Variants in PDLIM5 observed in about 807,000 individuals in gnomAD.
PDLIM5 encodes PDZ and LIM domain 5, also known as PDZ and LIM domain protein 5.
PDLIM5 carries 34 observed loss-of-function variants against 64.2 expected under a neutral mutation model. That is an observed-to-expected ratio of 0.53 (90% confidence interval 0.40 to 0.71). The LOEUF is 0.71. PDLIM5 is among the 30% of genes least tolerant of loss of function. The pLI, the probability that PDLIM5 is intolerant of heterozygous loss-of-function variation, is 0.00. For synonymous variants in PDLIM5, 253 were observed against 269.1 expected, an observed-to-expected ratio of 0.94 and a Z score of 0.59; for missense variants, 683 against 733.6, an observed-to-expected ratio of 0.93 and a Z score of 0.80.
chr4:94,607,263 G>GA (rs1285707098), intron 7 of PDLIM5, among the ~76,000 whole-genome samples: 1 of 150,312 alleles, frequency 6.7e-6, no homozygotes, highest in Admixed American at 6.6e-5. Context: ...TTTATCCACA[G>GA]ACTTTTTTTT....
At chr4:94,595,384 A>G (rs1736990943) in intron 7 of PDLIM5, among the ~76,000 whole-genome samples, 1 of 152,360 alleles carries the variant, frequency 6.6e-6, no homozygotes. Context: ...TACCAATTAC[A>G]ATACACAAAC....
At chr4:94,601,109 A>C (rs917647812) in intron 7 of PDLIM5, among the ~76,000 whole-genome samples, 1 of 152,198 alleles carries the variant, frequency 6.6e-6, no homozygotes. Flanking sequence ...TCAAGCTGCT[A>C]GAACAAAAAT....
At chr4:94,485,764 C>T (rs1329815883) in intron 2 of PDLIM5, among the ~76,000 whole-genome samples, 23 of 149,668 alleles carry the variant, frequency 1.5e-4, no homozygotes, top group African/African-American at 4.4e-4. Context: ...TCAGAAGAAT[C>T]GCTTGAACCT....
chr4:94,611,201 G>A, intron 7 of PDLIM5: 2 of 1,534,162 alleles, frequency 1.3e-6, no homozygotes, highest in Non-Finnish European at 1.7e-6. Flanking sequence ...AGAAAACAAG[G>A]TACTGTGGGA....
chr4:94,533,755 G>C (rs1442675578), intron 3 of PDLIM5, among the ~76,000 whole-genome samples: 1 of 152,188 alleles, frequency 6.6e-6, no homozygotes, highest in African/African-American at 2.4e-5. Flanking sequence ...GTGAGTATTA[G>C]TACGGTATCC....
chr4:94,666,624 A>C lies in PDLIM5; in HGVS notation c.*2557A>C, dbSNP rs939162465. 6.6e-6 allele frequency: 1 copy of C among 152,612 alleles called. No homozygotes were observed. The highest frequency in any genetic ancestry group is 1.5e-5 in the Non-Finnish European group (1 of 68,036). 9.5% of individuals were successfully genotyped at this position (152,612 alleles called of 1,614,324 possible). A position where few individuals can be genotyped will look rare whatever the true frequency, so the allele number is the denominator to read the frequency against. On this transcript the variant is annotated 3_prime_UTR_variant, in exon 13 of 13. Transcript: ENST00000317968. Reference sequence around the variant, plus strand: ...TTCATAGGTTATATGCCAAGATAGTATTTGATAAGTCAATGACATTTGGAT... The same window carrying C: ...TTCATAGGTTATATGCCAAGATAGTCTTTGATAAGTCAATGACATTTGGAT...
chr4:94,592,738 C>T lies in PDLIM5; in HGVS notation c.920+6294C>T, dbSNP rs771782457. On this transcript the variant is annotated intron_variant, in intron 7 of 12. Transcript: ENST00000317968. ...ACCTCCCAGGCTCAAGTGATCCTCC[C>T]GCCTCAGCCTCCCAAGTAGCTGGAA... 1.1e-4 allele frequency among the ~76,000 whole-genome samples: 16 copies of T among 152,188 alleles called. No homozygotes were observed. The South Asian group carries it at 3.1e-3, about 30-fold the overall frequency.
intron 7 of PDLIM5, chr4:94,610,176 A>G (rs1738249751): frequency 6.6e-7 from 1 of 1,525,286 alleles, no homozygotes; most frequent in Admixed American, 2.0e-5. Flanking sequence ...GCAGCTCCAC[A>G]GGAAATGTGG....
At chr4:94,528,951 G>A (rs895090452) in intron 3 of PDLIM5, among the ~76,000 whole-genome samples, 1 of 152,232 alleles carries the variant, frequency 6.6e-6, no homozygotes, top group Non-Finnish European at 1.5e-5. Context: ...CGAAGAGCCA[G>A]TGTGGTGGCC....
At chr4:94,646,233 A>T (rs1167525560) in intron 9 of PDLIM5, among the ~76,000 whole-genome samples, 1 of 152,190 alleles carries the variant, frequency 6.6e-6, no homozygotes, top group East Asian at 1.9e-4. Context: ...ATGGGACTAT[A>T]TTTGAAGAGG....
intron 2 of PDLIM5, chr4:94,456,595 G>A (rs1472378585): frequency 5.5e-6 from 4 of 721,576 alleles, no homozygotes; most frequent in Middle Eastern, 3.0e-4. Context: ...TAAAACAATT[G>A]TATAATTTTA....
At chr4:94,512,609 T>C (rs991855291) in intron 2 of PDLIM5, among the ~76,000 whole-genome samples, 2 of 133,292 alleles carry the variant, frequency 1.5e-5, no homozygotes, top group Admixed American at 6.8e-5. Context: ...ATTTTTTTAT[T>C]GGATTATTAG....
chr4:94,635,662 G>A (rs1740500509), intron 8 of PDLIM5, among the ~76,000 whole-genome samples: 1 of 151,614 alleles, frequency 6.6e-6, no homozygotes, highest in African/African-American at 2.4e-5. Flanking sequence ...TATAATGGAA[G>A]CAGGGCTCAT....
At chr4:94,493,734 T>G (rs1727078936) in intron 2 of PDLIM5, among the ~76,000 whole-genome samples, 2 of 152,190 alleles carry the variant, frequency 1.3e-5, no homozygotes, top group Admixed American at 1.3e-4. Context: ...TATTTTTTGA[T>G]AATTATTGCT....
chr4:94,523,700 C>T, intron 2 of PDLIM5, 24 bp from the exon 3 acceptor site: 1 of 1,592,454 alleles, frequency 6.3e-7, no homozygotes, highest in South Asian at 1.1e-5. Context: ...GAGTGACACT[C>T]CTAATGAAAT....
At chr4:94,572,110 C>T (rs941491325) in intron 3 of PDLIM5, among the ~76,000 whole-genome samples, 5 of 152,012 alleles carry the variant, frequency 3.3e-5, no homozygotes, top group African/African-American at 1.2e-4. Context: ...GTGCTAGTGT[C>T]TTCTGTTTGT....
At chr4:94,558,058 C>T (rs1250180547) in intron 3 of PDLIM5, among the ~76,000 whole-genome samples, 1 of 152,080 alleles carries the variant, frequency 6.6e-6, no homozygotes, top group Non-Finnish European at 1.5e-5. Context: ...ATAAGTAGCT[C>T]TTATTATTTT....
chr4:94,505,125 T>C (rs1728273327), intron 2 of PDLIM5, among the ~76,000 whole-genome samples: 2 of 152,168 alleles, frequency 1.3e-5, no homozygotes, highest in African/African-American at 4.8e-5. Context: ...CACCAACCAG[T>C]CATTTCTCCA....
At chr4:94,625,893 G>A (rs989249354) in intron 8 of PDLIM5, among the ~76,000 whole-genome samples, 1 of 152,120 alleles carries the variant, frequency 6.6e-6, no homozygotes, top group Admixed American at 6.5e-5. Context: ...TTTTCTCTGT[G>A]AGACAGTTTG....
Sources: allele counts gnomAD v4.1 joint callset (sites outside exome capture counted in the v4.1 genomes callset), GRCh38; gene constraint gnomAD v4.1.1; transcripts MANE v1.5; gene names NCBI Gene and HGNC (gene_info 2026-07-23, HGNC 2026-07-21).